The following SLC1A3 variants were observed in gnomAD, a reference collection of about 807,000 sequenced individuals.
The protein encoded by SLC1A3 is excitatory amino acid transporter 1.
A neutral mutation model predicts 48.1 loss-of-function variants in SLC1A3; 21 were observed. The observed-to-expected ratio is 0.44, with a 90% CI of 0.31 to 0.63. SLC1A3 has a LOEUF of 0.63. Ranked by LOEUF, SLC1A3 falls within the 20% of genes least tolerant of loss-of-function variation. The probability of loss-of-function intolerance (pLI) is 0.08; values close to 1 mark genes in which losing one functional copy is unlikely to be tolerated. For synonymous variants in SLC1A3, 239 were observed against 251.4 expected (o/e 0.95, Z 0.47); for missense variants, 546 against 689.0 (o/e 0.79, Z 2.32).
intron 2 of SLC1A3, among the ~76,000 whole-genome samples, chr5:36,617,961 T>TA (rs1377540757): frequency 2.6e-5 from 4 of 151,198 alleles, no homozygotes; most frequent in African/African-American, 4.9e-5. Context: ...TTGTACTCCA[T>TA]AGAATTTGTA....
intron 3 of SLC1A3, among the ~76,000 whole-genome samples, chr5:36,639,427 A>G (rs1373478746): frequency 1.3e-5 from 2 of 152,250 alleles, no homozygotes; most frequent in African/African-American, 4.8e-5. Flanking sequence ...TTGTTCTGTA[A>G]TATGCTTTAT....
chr5:36,608,180 A>G, intron 1 of SLC1A3, 149 bp from the exon 2 acceptor site: 1 of 501,514 alleles, frequency 2.0e-6, no homozygotes, highest in Non-Finnish European at 3.6e-6. Flanking sequence ...AAATATGCAC[A>G]CTGCAACCTT....
At chr5:36,656,235 T>C (rs947668978) in intron 3 of SLC1A3, among the ~76,000 whole-genome samples, 3 of 152,200 alleles carry the variant, frequency 2.0e-5, no homozygotes, top group Non-Finnish European at 4.4e-5. Context: ...ATTATTCCCA[T>C]TTTATAGATC....
chr5:36,597,459 G>A (rs1738758786), intron 1 of SLC1A3, among the ~76,000 whole-genome samples: 1 of 151,792 alleles, frequency 6.6e-6, no homozygotes, highest in Admixed American at 6.5e-5. Flanking sequence ...AGCCAGGACG[G>A]TCTCGATCTC....
chr5:36,614,705 A>G (rs1006698927), intron 2 of SLC1A3, among the ~76,000 whole-genome samples: 10 of 152,128 alleles, frequency 6.6e-5, no homozygotes, highest in African/African-American at 2.4e-4. Flanking sequence ...CTCAGGGCCA[A>G]TCTGAGTGTT....
At chr5:36,651,666 TCTC>T (rs1741081822) in intron 3 of SLC1A3, among the ~76,000 whole-genome samples, 1 of 151,442 alleles carries the variant, frequency 6.6e-6, no homozygotes, top group South Asian at 2.1e-4. Flanking sequence ...CCAGGAAACA[TCTC>T]CTACACACAC....
intron 3 of SLC1A3, among the ~76,000 whole-genome samples, chr5:36,665,969 C>T (rs930072): frequency 0.64 from 97,823 of 152,170 alleles, 38,415 homozygotes; most frequent in Non-Finnish European, 0.88. Context: ...AGTGTTTTTA[C>T]AAGCTAGTCT....
intron 3 of SLC1A3, among the ~76,000 whole-genome samples, chr5:36,649,663 C>T (rs1029323069): frequency 6.6e-6 from 1 of 152,148 alleles, no homozygotes; most frequent in African/African-American, 2.4e-5. Context: ...TGAGAAAATA[C>T]CCTAAAGAAA....
chr5:36,615,596 C>G (rs1405524521), intron 2 of SLC1A3, among the ~76,000 whole-genome samples: 1 of 152,172 alleles, frequency 6.6e-6, no homozygotes, highest in Non-Finnish European at 1.5e-5. Context: ...TGCAGAAGCC[C>G]CTTCTGCCCT....
chr5:36,686,063 AG>A lies in SLC1A3; in HGVS notation c.1426del. The stretch of plus-strand genomic sequence containing the variant: ...TTTCCCTCCTCCCCACCCTGCCTGC[AG>A]GGATCGCCTCCGGACCACCACCAAC... On this transcript the variant is annotated splice_acceptor_variant, in intron 9 of 9. Transcript: ENST00000265113. LOFTEE classifies it high-confidence loss of function. 1 of 1,613,946 alleles carries A rather than the reference AG, an allele frequency of 6.2e-7. No homozygotes were observed. The highest frequency in any genetic ancestry group is 8.5e-7 in the Non-Finnish European group (1 of 1,179,874).
intron 8 of SLC1A3, among the ~76,000 whole-genome samples, chr5:36,682,935 T>C (rs1011119443): frequency 6.6e-6 from 1 of 152,254 alleles, no homozygotes; most frequent in Non-Finnish European, 1.5e-5. Flanking sequence ...ACTTTATTAA[T>C]ACCACTTATA....
Position 36,671,188 on chromosome 5 carries a change from A to AAATTGTACG in SLC1A3, c.481_489dup (p.Ile161_Arg163dup). On this transcript the variant is annotated inframe_insertion, in exon 4 of 10. Coordinates refer to ENST00000265113, the MANE Select transcript of SLC1A3 (RefSeq NM_004172.5). ...AAGGAAAACATGCACAGAGAAGGCA[A>AAATTGTACG]AATTGTACGAGTGACAGCTGCAGAT... 1.2e-6 allele frequency: 2 copies of AAATTGTACG among 1,613,910 alleles called. No homozygotes were observed. The highest frequency in any genetic ancestry group is 1.7e-6 in the Non-Finnish European group (2 of 1,179,830).
intron 2 of SLC1A3, among the ~76,000 whole-genome samples, chr5:36,624,989 T>C (rs1490538287): frequency 6.6e-6 from 1 of 152,154 alleles, no homozygotes; most frequent in Non-Finnish European, 1.5e-5. Flanking sequence ...AACCAGGCTC[T>C]TTTGAGACCT....
At chr5:36,662,931 G>A (rs547880655) in intron 3 of SLC1A3, among the ~76,000 whole-genome samples, 1 of 152,360 alleles carries the variant, frequency 6.6e-6, no homozygotes, top group Admixed American at 6.5e-5. Flanking sequence ...CAAAGGTTAA[G>A]CCAAAGGGCG....
In SLC1A3 at chr5:36,686,382, C is replaced by T. The variant is rs1215998204; in HGVS notation, c.*113C>T. On this transcript the variant is annotated 3_prime_UTR_variant, in exon 10 of 10. Transcript: ENST00000265113. ...CAAGCCCGTCATCTTCCCTTTCCTC[C>T]CTTCTGATAAGACTGGAAAATAGTC... The T allele has an allele frequency of 3.4e-6, 3 of 880,638 alleles. No homozygotes were observed. The highest frequency in any genetic ancestry group is 1.7e-5 in the African/African-American group (1 of 60,600). 54.6% of individuals were successfully genotyped at this position (880,638 alleles called of 1,614,324 possible).
At chr5:36,612,660 G>A (rs939933184) in intron 2 of SLC1A3, 3 of 317,572 alleles carry the variant, frequency 9.4e-6, no homozygotes, top group East Asian at 9.2e-5. Flanking sequence ...TGTATGGAAA[G>A]CACTATTGTG....
intron 5 of SLC1A3, among the ~76,000 whole-genome samples, chr5:36,674,504 T>G (rs1580032477): frequency 3.6e-5 from 1 of 28,012 alleles, no homozygotes; most frequent in East Asian, 9.2e-4. Flanking sequence ...CAATGGACTG[T>G]TTTTTTTTTT....
chr5:36,608,612 A>G lies in SLC1A3; in HGVS notation c.181+8A>G. On this transcript the variant is annotated splice_region_variant and intron_variant, in intron 2 of 9. Transcript: ENST00000265113. ...TCACCGCTGTCATTGTGGGTGAGTC[A>G]TTTGATTAAAAACAAAAAAACCTGT... 6.3e-7 allele frequency: 1 copy of G among 1,598,862 alleles called. No individual in the cohort carries two copies. The highest frequency in any genetic ancestry group is 1.1e-5 in the South Asian group (1 of 90,290).
At chr5:36,600,393 C>T (rs1234193809) in intron 1 of SLC1A3, among the ~76,000 whole-genome samples, 1 of 152,200 alleles carries the variant, frequency 6.6e-6, no homozygotes, top group South Asian at 2.1e-4. Flanking sequence ...CCCAACCTTG[C>T]ACCACTCAGG....
Sources: gnomAD v4.1 joint callset for allele counts (sites outside exome capture counted in the v4.1 genomes callset) on GRCh38, gnomAD v4.1.1 for gene constraint, MANE v1.5 for transcripts, NCBI Gene and HGNC (gene_info 2026-07-23, HGNC 2026-07-21) for gene names.